SYT16: variants seen among roughly 807,000 people sequenced by gnomAD.
SYT16 encodes the protein synaptotagmin-16.
A neutral mutation model predicts 61.4 loss-of-function variants in SYT16; 42 were observed. The ratio of observed to expected loss-of-function variants is 0.68; its 90% CI spans 0.53 to 0.89. The LOEUF (loss-of-function observed/expected upper bound fraction) is 0.89. SYT16 is among the 40% of genes least tolerant of loss of function. The pLI is 0.00. For missense variants in SYT16, 804 were observed against 807.3 expected, an observed-to-expected ratio of 1.00 and a Z score of 0.05; for synonymous variants, 314 against 302.3, an observed-to-expected ratio of 1.04 and a Z score of -0.40.
intron 3 of SYT16, among the ~76,000 whole-genome samples, chr14:62,025,018 A>T (rs1160143523): frequency 6.6e-6 from 1 of 152,070 alleles, no homozygotes; most frequent in Admixed American, 6.6e-5. Context: ...GTAACAGTTT[A>T]TGTATCCATT....
chr14:61,936,167 C>T (rs1457278439), intron 1 of SYT16, among the ~76,000 whole-genome samples: 1 of 152,084 alleles, frequency 6.6e-6, no homozygotes, highest in East Asian at 1.9e-4. Flanking sequence ...GGAATGAATC[C>T]ATCTGATTTT....
At chr14:61,889,783 G>A (rs1036105819) in intron 1 of SYT16, among the ~76,000 whole-genome samples, 23 of 152,068 alleles carry the variant, frequency 1.5e-4, no homozygotes, top group African/African-American at 5.1e-4. Context: ...TTGCAGAATC[G>A]TGAGCTAAAT....
At position 62,066,156 on chromosome 14, in the gene SYT16, TG is replaced by T. The variant is rs148567930; in HGVS notation, c.524-3446del. 7.5e-3 allele frequency among the ~76,000 whole-genome samples: 1,139 copies of T among 152,284 alleles called. 13 individuals are homozygous for T. The highest frequency in any genetic ancestry group is 0.026 in the African/African-American group (1,071 of 41,548). On this transcript the variant is annotated intron_variant, in intron 3 of 7. Transcript: ENST00000683842. ...TGGGAGATGATCCAGACCTTTAAAA[TG>T]ATCCAAAAACAAGGCATAAGAGAGA...
At chr14:62,050,205 G>A (rs567080757) in intron 3 of SYT16, among the ~76,000 whole-genome samples, 10 of 152,036 alleles carry the variant, frequency 6.6e-5, no homozygotes, top group East Asian at 3.9e-4. Flanking sequence ...TTCTCTTCTC[G>A]CTTCATTTCG....
intron 1 of SYT16, among the ~76,000 whole-genome samples, chr14:61,861,253 A>AG (rs2046953115): frequency 6.6e-6 from 1 of 152,232 alleles, no homozygotes; most frequent in Non-Finnish European, 1.5e-5. Context: ...AGAAATGTTC[A>AG]GGATATCTTA....
intron 3 of SYT16, among the ~76,000 whole-genome samples, chr14:62,055,477 G>T (rs933675456): frequency 1.3e-5 from 2 of 152,196 alleles, no homozygotes; most frequent in African/African-American, 4.8e-5. Context: ...CTACAGATAT[G>T]AATCTGTTTA....
At chr14:61,990,583 C>T (rs1194511939) in intron 2 of SYT16, among the ~76,000 whole-genome samples, 2 of 152,140 alleles carry the variant, frequency 1.3e-5, no homozygotes, top group East Asian at 3.8e-4. Flanking sequence ...CTGACTTTCT[C>T]CAGGAGTTAG....
chr14:62,051,978 G>C (rs2055323443), intron 3 of SYT16, among the ~76,000 whole-genome samples: 1 of 152,110 alleles, frequency 6.6e-6, no homozygotes. Flanking sequence ...GCTGCAGTGA[G>C]CTATGCACTC....
chr14:62,041,737 C>G (rs890065724), intron 3 of SYT16, among the ~76,000 whole-genome samples: 5 of 151,990 alleles, frequency 3.3e-5, no homozygotes, highest in Non-Finnish European at 7.4e-5. Flanking sequence ...GATTTTTTTT[C>G]TGCCCCTCTC....
intron 3 of SYT16, among the ~76,000 whole-genome samples, chr14:62,055,540 C>A (rs2055513918): frequency 6.6e-6 from 1 of 152,166 alleles, no homozygotes; most frequent in Non-Finnish European, 1.5e-5. Flanking sequence ...AACCAATCAC[C>A]CTACCTGTCA....
At chr14:62,060,651 G>T (rs941421733) in intron 3 of SYT16, among the ~76,000 whole-genome samples, 3 of 151,678 alleles carry the variant, frequency 2.0e-5, no homozygotes, top group Non-Finnish European at 2.9e-5. Flanking sequence ...AACCAACCTT[G>T]CCTCTCTAGG....
intron 1 of SYT16, among the ~76,000 whole-genome samples, chr14:61,935,507 A>G (rs1280434457): frequency 6.6e-6 from 1 of 152,180 alleles, no homozygotes; most frequent in Non-Finnish European, 1.5e-5. Flanking sequence ...GGGGCTTTGT[A>G]ACCAATGGGC....
intron 1 of SYT16, among the ~76,000 whole-genome samples, chr14:61,874,284 C>T (rs1237236643): frequency 6.6e-6 from 1 of 152,220 alleles, no homozygotes; most frequent in Admixed American, 6.5e-5. Context: ...ACAATGTGGG[C>T]TTGGACTGTG....
intron 1 of SYT16, among the ~76,000 whole-genome samples, chr14:61,944,181 G>A (rs2050325724): frequency 6.6e-6 from 1 of 152,214 alleles, no homozygotes; most frequent in Admixed American, 6.5e-5. Flanking sequence ...TACATGGGGT[G>A]TGAAAGACCT....
intron 3 of SYT16, among the ~76,000 whole-genome samples, chr14:62,053,310 A>G (rs2055394013): frequency 6.6e-6 from 1 of 152,236 alleles, no homozygotes; most frequent in Admixed American, 6.5e-5. Context: ...TCCTGCCCTC[A>G]GACTGAAACT....
intron 1 of SYT16, among the ~76,000 whole-genome samples, chr14:61,873,709 T>A (rs1333132195): frequency 1.3e-5 from 2 of 152,200 alleles, no homozygotes; most frequent in African/African-American, 4.8e-5. Context: ...TGTCCCTAAT[T>A]AATGAACCAT....
At position 61,944,258 on chromosome 14, in the gene SYT16, T is replaced by C. The variant is rs193204673; in HGVS notation, c.-324-25874T>C. Among the ~76,000 whole-genome samples, 450 of 152,268 alleles carry C rather than the reference T, an allele frequency of 3.0e-3. 1 individual carries two copies. Among genetic ancestry groups the C allele is most frequent in the Middle Eastern group, 0.014 (4 of 294 alleles). ...AGGACACAAACAAATGGAAAAATAT[T>C]CCATGTTAATGGATAGGAAGAATTA... is the stretch of plus-strand genomic sequence containing the variant. On this transcript the variant is annotated intron_variant, in intron 1 of 7. Coordinates refer to ENST00000683842, the MANE Select transcript of SYT16 (RefSeq NM_001367656.1).
intron 1 of SYT16, among the ~76,000 whole-genome samples, chr14:61,967,293 C>T (rs2095306142): frequency 6.6e-6 from 1 of 152,152 alleles, no homozygotes; most frequent in African/African-American, 2.4e-5. Context: ...GCCTTGTAAC[C>T]TGAGTTAGGG....
At chr14:61,994,386 ACC>A (rs2052679011) in intron 2 of SYT16, among the ~76,000 whole-genome samples, 1 of 152,096 alleles carries the variant, frequency 6.6e-6, no homozygotes, top group Admixed American at 6.6e-5. Flanking sequence ...TTTTCCTTCA[ACC>A]AGCCTGGGCC....
Sources: allele counts gnomAD v4.1 joint callset (sites outside exome capture counted in the v4.1 genomes callset), GRCh38; gene constraint gnomAD v4.1.1; transcripts MANE v1.5; gene names NCBI Gene and HGNC (gene_info 2026-07-23, HGNC 2026-07-21).